AKAP9: variants seen among roughly 807,000 people sequenced by gnomAD.
AKAP9 encodes the protein A-kinase anchoring protein 9, also known as A-kinase anchor protein 9.
In AKAP9, 311 loss-of-function variants were observed where a neutral mutation model predicts 488.5. That is an observed-to-expected ratio of 0.64 (90% CI 0.58 to 0.70). AKAP9 has a LOEUF of 0.70. AKAP9 is among the 30% of genes least tolerant of loss of function. The pLI, the probability that AKAP9 is intolerant of heterozygous loss-of-function variation, is 0.00. For missense variants in AKAP9, 4,215 were observed against 4,374.5 expected (o/e 0.96, Z 1.03); for synonymous variants, 1,462 against 1,483.5 (o/e 0.99, Z 0.33).
chr7:92,061,449 G>A (rs769942477), intron 23 of AKAP9, 27 bp downstream of exon 23: 6 of 1,611,650 alleles, frequency 3.7e-6, no homozygotes, highest in Non-Finnish European at 5.1e-6. Context: ...TGACAACTAA[G>A]GGTAGAGAAA....
intron 3 of AKAP9, among the ~76,000 whole-genome samples, chr7:91,987,371 A>T (rs1028023784): frequency 1.3e-5 from 2 of 152,072 alleles, no homozygotes; most frequent in African/African-American, 2.4e-5. Flanking sequence ...GTGAGCCGAG[A>T]TAGTGCCATT....
chr7:92,028,934 A>G (rs1396364959), intron 14 of AKAP9, among the ~76,000 whole-genome samples: 1 of 152,162 alleles, frequency 6.6e-6, no homozygotes, highest in Non-Finnish European at 1.5e-5. Context: ...GGGTTTAGTT[A>G]TATAAGTTAT....
intron 39 of AKAP9, among the ~76,000 whole-genome samples, chr7:92,094,262 T>C (rs1816139598): frequency 6.6e-6 from 1 of 152,132 alleles, no homozygotes; most frequent in African/African-American, 2.4e-5. Context: ...CCAGGTGTGG[T>C]GACTAATGCC....
At chr7:92,048,372 A>G (rs971580500) in intron 21 of AKAP9, among the ~76,000 whole-genome samples, 29 of 152,218 alleles carry the variant, frequency 1.9e-4, no homozygotes, top group Non-Finnish European at 7.3e-5. Context: ...TTGCTTCCTC[A>G]TAAGAGTAAC....
In AKAP9 at chr7:91,993,055, G is replaced by C. The variant is rs749763833; in HGVS notation, c.576G>C (p.Gln192His). 8 of 1,613,854 alleles carry C rather than the reference G, an allele frequency of 5.0e-6. No homozygotes were observed. Among genetic ancestry groups the C allele is most frequent in the Middle Eastern group, 1.7e-4 (1 of 6,060 alleles). Residue 192 changes from glutamine to histidine, a missense_variant and splice_region_variant, in exon 5 of 50, where the codon CAG (glutamine) becomes CAC (histidine). Gln to His is a conservative substitution (Grantham distance 24). Around this residue, in one of 5 missense-constraint regions of AKAP9, gnomAD observed 2,361 missense variants for 2,430.0 expected, o/e 0.97. Transcript: ENST00000356239. ...RVTYGTEGLQ[Q>H]LQEFEAAIKQ... ...CCTATGGGACTGAAGGACTGCAGCA[G>C]GTATGTTTATTTTCTGTGGCTTTTG...
chr7:91,947,157 G>GGTGTGT (rs773445421), intron 1 of AKAP9, among the ~76,000 whole-genome samples: 2 of 120,798 alleles, frequency 1.7e-5, no homozygotes, highest in Admixed American at 9.3e-5. Flanking sequence ...TGGTGTCTGG[G>GGTGTGT]GTGTGTGTGT....
intron 16 of AKAP9, among the ~76,000 whole-genome samples, chr7:92,032,578 TTAATA>T (rs1804453582): frequency 6.6e-6 from 1 of 152,152 alleles, no homozygotes. Context: ...TTCAGCTGTC[TTAATA>T]TAACAATCCC....
intron 21 of AKAP9, among the ~76,000 whole-genome samples, chr7:92,045,907 C>T (rs1282566862): frequency 2.1e-5 from 3 of 143,352 alleles, no homozygotes; most frequent in African/African-American, 5.1e-5. Context: ...AGTCTGGGCT[C>T]ACTGCAACCT....
At chr7:91,967,732 G>A (rs1794592279) in intron 1 of AKAP9, among the ~76,000 whole-genome samples, 1 of 152,098 alleles carries the variant, frequency 6.6e-6, no homozygotes, top group Admixed American at 6.5e-5. Context: ...TTGCATCTAT[G>A]TTCATCAGTG....
intron 25 of AKAP9, among the ~76,000 whole-genome samples, chr7:92,065,841 A>T (rs1810680769): frequency 6.6e-6 from 1 of 152,186 alleles, no homozygotes; most frequent in Non-Finnish European, 1.5e-5. Flanking sequence ...CACATAGAAC[A>T]GTGTGGCCAT....
chr7:91,964,527 A>C (rs924737139), intron 1 of AKAP9, among the ~76,000 whole-genome samples: 1 of 152,186 alleles, frequency 6.6e-6, no homozygotes, highest in Non-Finnish European at 1.5e-5. Context: ...TGCCTACCCT[A>C]AAAACTCAGA....
At chr7:92,029,320 G>A (rs1055053272) in intron 14 of AKAP9, among the ~76,000 whole-genome samples, 1 of 152,188 alleles carries the variant, frequency 6.6e-6, no homozygotes, top group Admixed American at 6.5e-5. Context: ...GCTCCTGACT[G>A]AGTTCCACTA....
At chr7:91,965,247 C>T (rs1794298501) in intron 1 of AKAP9, among the ~76,000 whole-genome samples, 1 of 152,260 alleles carries the variant, frequency 6.6e-6, no homozygotes, top group South Asian at 2.1e-4. Context: ...CTATTTGCAT[C>T]TACTTTTTCA....
At chr7:92,043,742 T>A (rs1322652494) in intron 20 of AKAP9, among the ~76,000 whole-genome samples, 1 of 152,202 alleles carries the variant, frequency 6.6e-6, no homozygotes, top group Non-Finnish European at 1.5e-5. Context: ...TCTCTTTCAC[T>A]TGACAAATAC....
At chr7:91,976,742 G>T (rs1193171088) in intron 2 of AKAP9, among the ~76,000 whole-genome samples, 1 of 124,386 alleles carries the variant, frequency 8.0e-6, no homozygotes, top group East Asian at 2.0e-4. Context: ...GAAGTTTGCT[G>T]ATTCTCTCTT....
chr7:92,046,144 A>G (rs539774236), intron 21 of AKAP9, among the ~76,000 whole-genome samples: 5 of 151,862 alleles, frequency 3.3e-5, no homozygotes, highest in African/African-American at 4.8e-5. Flanking sequence ...TCTTCTTTCT[A>G]TTTCTTCCCA....
chr7:92,108,550 A>G lies in AKAP9; in HGVS notation c.11603A>G (p.Gln3868Arg). 6.2e-7 allele frequency: 1 copy of G among 1,614,220 alleles called. No individual in the cohort carries two copies. The stretch of plus-strand genomic sequence containing the variant: ...GGTTCTTTAGCATGTTCTCAGCTTC[A>G]GAATTACGATCCTGACAGAGCCCTA... The part of the protein sequence containing the change: ...NPGSLACSQL[Q>R]NYDPDRALTD... Residue 3868 changes from glutamine (Q) to arginine (R), a missense_variant, in exon 49 of 50, where the codon CAG (glutamine) becomes CGG (arginine). Around this residue, in one of 5 missense-constraint regions of AKAP9, gnomAD observed 253 missense variants for 266.8 expected, o/e 0.95. Coordinates refer to ENST00000356239, the MANE Select transcript of AKAP9 (RefSeq NM_005751.5).
At chr7:92,042,439 A>T (rs1322587301) in intron 19 of AKAP9, among the ~76,000 whole-genome samples, 2 of 152,222 alleles carry the variant, frequency 1.3e-5, no homozygotes, top group Non-Finnish European at 2.9e-5. Flanking sequence ...GCACTACAGC[A>T]TGGATAATTT....
chr7:91,958,557 T>C (rs914584225), intron 1 of AKAP9, among the ~76,000 whole-genome samples: 1 of 152,146 alleles, frequency 6.6e-6, no homozygotes, highest in African/African-American at 2.4e-5. Context: ...AGGGATAAGA[T>C]TTCTAGTAGG....
Sources: gnomAD v4.1 joint callset for allele counts (sites outside exome capture counted in the v4.1 genomes callset) on GRCh38, gnomAD v4.1.1 for gene constraint, gnomAD v4.1.1 regional missense constraint, MANE v1.5 for transcripts, NCBI Gene and HGNC (gene_info 2026-07-23, HGNC 2026-07-21) for gene names.